The following MDGA2 variants were observed in gnomAD, a reference collection of about 807,000 sequenced individuals.
MDGA2 encodes the protein MAM domain-containing glycosylphosphatidylinositol anchor protein 2.
A neutral mutation model predicts 117.8 loss-of-function variants in MDGA2; 40 were observed. The ratio of observed to expected loss-of-function variants is 0.34; its 90% confidence interval spans 0.26 to 0.44. The LOEUF is 0.44. MDGA2 is among the 20% of genes least tolerant of loss of function. The pLI is 1.00. For missense variants in MDGA2, 1,123 were observed against 1,250.6 expected (o/e 0.90, Z 1.54); for synonymous variants, 452 against 439.0 (o/e 1.03, Z -0.37).
At chr14:46,845,109 T>C (rs1481680668) in intron 16 of MDGA2, among the ~76,000 whole-genome samples, 1 of 152,156 alleles carries the variant, frequency 6.6e-6, no homozygotes, top group Non-Finnish European at 1.5e-5. Flanking sequence ...GGTCTTGATC[T>C]CCTGACCTTG....
intron 2 of MDGA2, among the ~76,000 whole-genome samples, chr14:47,249,625 C>T (rs1887378427): frequency 6.6e-6 from 1 of 152,184 alleles, no homozygotes. Context: ...CATGCCCAGA[C>T]TCATGTTTGA....
chr14:47,533,172 A>G (rs1263978491), intron 1 of MDGA2, among the ~76,000 whole-genome samples: 1 of 152,202 alleles, frequency 6.6e-6, no homozygotes, highest in Non-Finnish European at 1.5e-5. Flanking sequence ...CCCACTACAC[A>G]TAGCTTAGAA....
intron 1 of MDGA2, among the ~76,000 whole-genome samples, chr14:47,610,616 T>C (rs752318029): frequency 1.5e-4 from 22 of 151,432 alleles, no homozygotes; most frequent in Non-Finnish European, 2.9e-4. Flanking sequence ...CTTAGGAATA[T>C]ACCTAACCAA....
chr14:47,466,934 G>T (rs76962510), intron 1 of MDGA2, among the ~76,000 whole-genome samples: 16,307 of 152,062 alleles, frequency 0.11, 966 homozygotes, highest in Middle Eastern at 0.15. Context: ...AGAAGGAGTT[G>T]AAGAGAGAAC....
intron 1 of MDGA2, among the ~76,000 whole-genome samples, chr14:47,452,798 T>C (rs1031783648): frequency 6.6e-6 from 1 of 151,978 alleles, no homozygotes; most frequent in Non-Finnish European, 1.5e-5. Flanking sequence ...TAAGACAAAA[T>C]AGCTAAGAAA....
At position 47,129,536 on chromosome 14, in the gene MDGA2, A is replaced by C. The variant is rs531510380; in HGVS notation, c.925+2178T>G. Among the ~76,000 whole-genome samples the C allele has an allele frequency of 7.0e-5, 10 of 143,550 alleles. No individual in the cohort carries two copies. In the South Asian group the frequency reaches 1.8e-3, roughly 26 times the overall value. 94.2% of individuals were successfully genotyped at this position (143,550 alleles called of 152,430 possible). Reference sequence around the variant, plus strand: ...TTCCAAGTCTTTGCTATTGTGAATAATGCCGCAATAAACATACGTGTGCAT... The same window carrying C: ...TTCCAAGTCTTTGCTATTGTGAATACTGCCGCAATAAACATACGTGTGCAT... On this transcript the variant is annotated intron_variant, in intron 5 of 16. Coordinates refer to ENST00000399232, the MANE Select transcript of MDGA2 (RefSeq NM_001113498.3).
chr14:47,341,407 G>A (rs527947486), intron 1 of MDGA2, among the ~76,000 whole-genome samples: 39 of 152,268 alleles, frequency 2.6e-4, no homozygotes, highest in Admixed American at 5.9e-4. Context: ...CACTGATGAC[G>A]ATAAAGTGTA....
chr14:47,094,212 C>T (rs1294993306), intron 6 of MDGA2, among the ~76,000 whole-genome samples: 1 of 151,926 alleles, frequency 6.6e-6, no homozygotes, highest in South Asian at 2.1e-4. Flanking sequence ...ATGTGAATGC[C>T]ACTGCTGAGA....
intron 1 of MDGA2, among the ~76,000 whole-genome samples, chr14:47,497,456 C>T (rs1172216372): frequency 6.6e-6 from 1 of 152,048 alleles, no homozygotes; most frequent in Non-Finnish European, 1.5e-5. Context: ...AGGGGTCTCA[C>T]CATGTTGGCC....
chr14:47,131,718 T>G lies in MDGA2; in HGVS notation c.921A>C (p.Lys307Asn). Residue 307 changes from lysine (K) to asparagine (N), a missense_variant, in exon 5 of 17, where the codon AAA becomes AAC. By Grantham distance (94) the Lys-to-Asn change is moderately conservative. This residue lies in a region of MDGA2 where 890 missense variants were observed against 1,050.3 expected (regional missense o/e 0.85). Transcript: ENST00000399232. The part of the protein sequence containing the change: ...DKMVSFRLSN[K>N]TASPSIKLLV... ...CATACAGAGATAATTCCATACCTGTTTTATTGGACAGTCTAAACGACACCA... is the reference window on the plus strand; with the variant it reads ...CATACAGAGATAATTCCATACCTGTGTTATTGGACAGTCTAAACGACACCA... The G allele has an allele frequency of 1.3e-6, 2 of 1,514,198 alleles. No individual in the cohort carries two copies. The highest frequency in any genetic ancestry group is 1.4e-5 in the African/African-American group (1 of 73,628). The allele number at this position is 1,514,198 out of a possible 1,614,324, so 93.8% of individuals were successfully genotyped here.
intron 9 of MDGA2, among the ~76,000 whole-genome samples, chr14:46,920,427 G>A (rs753979621): frequency 5.3e-5 from 8 of 152,182 alleles, no homozygotes; most frequent in Non-Finnish European, 8.8e-5. Flanking sequence ...AAATCCATGG[G>A]AGGATGAAAT....
chr14:46,862,290 A>G (rs1881541410), intron 14 of MDGA2, among the ~76,000 whole-genome samples: 1 of 151,740 alleles, frequency 6.6e-6, no homozygotes, highest in South Asian at 2.1e-4. Flanking sequence ...CTTATGTTTA[A>G]AGACTACAGG....
chr14:47,367,550 T>C (rs1026870888), intron 1 of MDGA2, among the ~76,000 whole-genome samples: 1 of 152,220 alleles, frequency 6.6e-6, no homozygotes, highest in African/African-American at 2.4e-5. Context: ...TTTTCTAATT[T>C]TGAGTAACAC....
At chr14:47,625,241 A>G (rs1232795630) in intron 1 of MDGA2, among the ~76,000 whole-genome samples, 1 of 152,114 alleles carries the variant, frequency 6.6e-6, no homozygotes, top group African/African-American at 2.4e-5. Context: ...AGTTGGTCAA[A>G]CTTCTTAGAT....
intron 1 of MDGA2, among the ~76,000 whole-genome samples, chr14:47,387,245 C>T (rs974508796): frequency 1.3e-5 from 2 of 152,104 alleles, no homozygotes; most frequent in African/African-American, 4.8e-5. Context: ...CTTCAGTTCG[C>T]GAACAGGTTG....
chr14:47,419,375 G>A (rs1033311789), intron 1 of MDGA2, among the ~76,000 whole-genome samples: 3 of 152,030 alleles, frequency 2.0e-5, no homozygotes, highest in African/African-American at 7.2e-5. Flanking sequence ...ATTGTAGGCT[G>A]ATTGACCCAT....
intron 9 of MDGA2, among the ~76,000 whole-genome samples, chr14:46,925,908 T>C (rs556965439): frequency 6.6e-6 from 1 of 152,136 alleles, no homozygotes; most frequent in Non-Finnish European, 1.5e-5. Flanking sequence ...TGGAGAAAAA[T>C]GAATATGTTA....
At chr14:47,650,114 C>T (rs1037530725) in intron 1 of MDGA2, among the ~76,000 whole-genome samples, 5 of 152,070 alleles carry the variant, frequency 3.3e-5, no homozygotes, top group African/African-American at 9.7e-5. Flanking sequence ...AAAGGCAGAC[C>T]CTTGCCCAAA....
chr14:47,192,755 T>C (rs1885161338), intron 3 of MDGA2, among the ~76,000 whole-genome samples: 1 of 152,244 alleles, frequency 6.6e-6, no homozygotes, highest in Non-Finnish European at 1.5e-5. Flanking sequence ...TACAAAATTA[T>C]TACTTTATAG....
Sources: allele counts gnomAD v4.1 joint callset (sites outside exome capture counted in the v4.1 genomes callset), GRCh38; gene constraint gnomAD v4.1.1; regional missense constraint gnomAD v4.1.1; transcripts MANE v1.5; gene names NCBI Gene and HGNC (gene_info 2026-07-23, HGNC 2026-07-21).